Variants in ZNF407 observed in about 807,000 individuals in gnomAD.
ZNF407 encodes zinc finger protein 407.
ZNF407 carries 17 observed loss-of-function variants against 131.2 expected under a neutral mutation model. That is an observed-to-expected ratio of 0.13 (90% CI 0.09 to 0.19). ZNF407 has a LOEUF of 0.19. Ranked by LOEUF, ZNF407 falls within the 10% of genes least tolerant of loss-of-function variation. ZNF407 has a pLI of 1.00. For missense variants in ZNF407, 2,681 were observed against 2,830.6 expected, an observed-to-expected ratio of 0.95 and a Z score of 1.20; for synonymous variants, 1,156 against 1,062.0, an observed-to-expected ratio of 1.09 and a Z score of -1.72.
intron 7 of ZNF407, among the ~76,000 whole-genome samples, chr18:74,917,533 C>T (rs1335400531): frequency 2.0e-5 from 3 of 152,212 alleles, no homozygotes; most frequent in Middle Eastern, 3.4e-3. Context: ...ATTCTCTCCC[C>T]TCCCTTTGTC....
intron 3 of ZNF407, among the ~76,000 whole-genome samples, chr18:74,740,059 A>T (rs1437570406): frequency 1.3e-5 from 2 of 152,100 alleles, no homozygotes; most frequent in Non-Finnish European, 2.9e-5. Flanking sequence ...CAAACAACAG[A>T]TTGTTTTTTC....
intron 3 of ZNF407, among the ~76,000 whole-genome samples, chr18:74,662,432 T>C (rs1239398225): frequency 1.3e-5 from 2 of 152,206 alleles, no homozygotes; most frequent in African/African-American, 2.4e-5. Context: ...CAAGAGCCGA[T>C]TGCCATGTGA....
At chr18:74,757,355 T>A (rs949926651) in intron 3 of ZNF407, among the ~76,000 whole-genome samples, 2 of 152,108 alleles carry the variant, frequency 1.3e-5, no homozygotes, top group African/African-American at 4.8e-5. Context: ...CCATATTTGT[T>A]TCCATTCATC....
chr18:74,842,972 C>T (rs2145133999), intron 4 of ZNF407, among the ~76,000 whole-genome samples: 1 of 152,240 alleles, frequency 6.6e-6, no homozygotes, highest in African/African-American at 2.4e-5. Context: ...CCGTCTTGGC[C>T]TCCAAAGTGC....
intron 7 of ZNF407, among the ~76,000 whole-genome samples, chr18:74,912,633 G>A (rs369850808): frequency 6.6e-6 from 1 of 152,128 alleles, no homozygotes; most frequent in East Asian, 1.9e-4. Flanking sequence ...ATCAAATCTA[G>A]TATTTAATGT....
rs569202619 is a variant in ZNF407, at chr18:74,877,191, A to T, written c.4878-6A>T. The T allele has an allele frequency of 3.5e-5, 57 of 1,613,598 alleles. No individual in the cohort carries two copies. The Middle Eastern group carries it at 1.3e-3, about 38-fold the overall frequency. ...ATTTATATTGTTTTCTCTCTCCTTC[A>T]TGCAGGAAATTTACATGCCACTTAT... On this transcript the variant is annotated splice_region_variant and splice_polypyrimidine_tract_variant and intron_variant, in intron 4 of 8. Transcript: ENST00000299687.
At chr18:74,609,020 T>G (rs1296097959) in intron 1 of ZNF407, among the ~76,000 whole-genome samples, 2 of 152,222 alleles carry the variant, frequency 1.3e-5, no homozygotes, top group Non-Finnish European at 2.9e-5. Context: ...TCAGAATCTT[T>G]TGAGTTTGAC....
chr18:75,012,350 CACATAGTGTATGTACACATAGTGTAT>C (rs1972987158), intron 8 of ZNF407, among the ~76,000 whole-genome samples: 1 of 101,698 alleles, frequency 9.8e-6, no homozygotes, highest in African/African-American at 3.6e-5. Context: ...AGTGTATGTA[CACATAGTGTATGTACACATAGTGTAT>C]GTACACATAG....
intron 4 of ZNF407, among the ~76,000 whole-genome samples, chr18:74,805,502 G>C (rs564549791): frequency 2.0e-5 from 3 of 152,272 alleles, no homozygotes; most frequent in East Asian, 1.9e-4. Flanking sequence ...TAAGCATACT[G>C]TTAAATCTAG....
rs1254609059 is a variant in ZNF407 at position 75,063,014 on chromosome 18, T to C, written c.5429-136T>C. On this transcript the variant is annotated intron_variant, in intron 8 of 8. Coordinates refer to ENST00000299687, the MANE Select transcript of ZNF407 (RefSeq NM_017757.3). The surrounding 1 kb of genome is among the most constrained non-coding windows in gnomAD (Gnocchi z 6.6). Reference sequence around the variant, plus strand: ...TCTGGCCCTGCTGAAGCTTGCACTGTAGAGAGCTCTTCAGGGTTTGGAATA... The same window carrying C: ...TCTGGCCCTGCTGAAGCTTGCACTGCAGAGAGCTCTTCAGGGTTTGGAATA... 8.8e-6 allele frequency: 7 copies of C among 796,458 alleles called. No individual in the cohort carries two copies. The highest frequency in any genetic ancestry group is 5.7e-5 in the Admixed American group (2 of 34,972). 49.3% of individuals were successfully genotyped at this position (796,458 alleles called of 1,614,324 possible).
intron 1 of ZNF407, among the ~76,000 whole-genome samples, chr18:74,600,541 T>A (rs1000339973): frequency 6.6e-6 from 1 of 152,288 alleles, no homozygotes; most frequent in Middle Eastern, 3.4e-3. Context: ...AAAGGAGTCC[T>A]ACTAAATAGA....
intron 3 of ZNF407, among the ~76,000 whole-genome samples, chr18:74,739,540 T>G (rs867307039): frequency 1.3e-5 from 2 of 151,800 alleles, no homozygotes; most frequent in Non-Finnish European, 2.9e-5. Flanking sequence ...ATGTATGTAT[T>G]TAAAGTCCAG....
intron 3 of ZNF407, among the ~76,000 whole-genome samples, chr18:74,685,601 C>T (rs527700245): frequency 6.6e-6 from 1 of 152,284 alleles, no homozygotes; most frequent in African/African-American, 2.4e-5. Context: ...CTGACTATTC[C>T]GGCTGTTCTC....
chr18:74,640,776 G>GAA (rs1374686280), intron 2 of ZNF407, among the ~76,000 whole-genome samples: 3 of 152,088 alleles, frequency 2.0e-5, no homozygotes, highest in Admixed American at 2.0e-4. Flanking sequence ...TTTTGAGTTT[G>GAA]AATCTTAGGA....
intron 1 of ZNF407, among the ~76,000 whole-genome samples, chr18:74,614,647 C>G (rs376500401): frequency 2.6e-5 from 4 of 151,994 alleles, no homozygotes; most frequent in Non-Finnish European, 5.9e-5. Context: ...ATTTTTTGTC[C>G]CTATCCCAAA....
chr18:74,854,775 T>C (rs1970835828), intron 4 of ZNF407, among the ~76,000 whole-genome samples: 1 of 152,132 alleles, frequency 6.6e-6, no homozygotes, highest in African/African-American at 2.4e-5. Context: ...AACAACCTTA[T>C]AGCACCCATG....
At chr18:74,816,939 C>G (rs1422438686) in intron 4 of ZNF407, among the ~76,000 whole-genome samples, 2 of 151,620 alleles carry the variant, frequency 1.3e-5, no homozygotes, top group Admixed American at 6.6e-5. Flanking sequence ...CTCATTGATT[C>G]CCTCATATGT....
chr18:74,688,893 A>G (rs1967156793), intron 3 of ZNF407, among the ~76,000 whole-genome samples: 1 of 152,142 alleles, frequency 6.6e-6, no homozygotes, highest in African/African-American at 2.4e-5. Context: ...CAGTGGCGCA[A>G]TCTTGGCTCA....
At chr18:74,604,905 T>C (rs1333821772) in intron 1 of ZNF407, among the ~76,000 whole-genome samples, 4 of 151,988 alleles carry the variant, frequency 2.6e-5, no homozygotes, top group Non-Finnish European at 5.9e-5. Context: ...TTATAGTTCA[T>C]GCATAGTTCA....
Sources: gnomAD v4.1 joint callset for allele counts (sites outside exome capture counted in the v4.1 genomes callset) on GRCh38, gnomAD v4.1.1 for gene constraint, Gnocchi (gnomAD v3.1) non-coding constraint, MANE v1.5 for transcripts, NCBI Gene and HGNC (gene_info 2026-07-23, HGNC 2026-07-21) for gene names.